CPNE4: variants seen among roughly 807,000 people sequenced by gnomAD.
The protein encoded by CPNE4 is copine 4, also known as copine-4.
Under a neutral mutation model 67.9 loss-of-function variants are expected in CPNE4, and 25 were observed. The observed-to-expected ratio is 0.37, with a 90% CI of 0.27 to 0.51. CPNE4 has a LOEUF of 0.51. Ranked by LOEUF, CPNE4 falls within the 20% of genes least tolerant of loss-of-function variation. The probability of loss-of-function intolerance (pLI) is 0.93; values close to 1 mark genes in which losing one functional copy is unlikely to be tolerated. For missense variants in CPNE4, 464 were observed against 690.8 expected, an observed-to-expected ratio of 0.67 and a Z score of 3.68; for synonymous variants, 242 against 244.9, an observed-to-expected ratio of 0.99 and a Z score of 0.11.
chr3:131,604,449 G>A (rs1000744224), intron 7 of CPNE4, among the ~76,000 whole-genome samples: 6 of 152,090 alleles, frequency 3.9e-5, no homozygotes, highest in Non-Finnish European at 8.8e-5. Flanking sequence ...AATCCTGGGT[G>A]TATCTGTGAG....
intron 15 of CPNE4, among the ~76,000 whole-genome samples, chr3:131,536,830 C>A (rs943136537): frequency 5.3e-5 from 8 of 152,164 alleles, no homozygotes; most frequent in Admixed American, 3.3e-4. Flanking sequence ...GGGGCAGATA[C>A]AAAAGTCATT....
At chr3:131,980,878 A>G (rs2072886778) in intron 1 of CPNE4, among the ~76,000 whole-genome samples, 2 of 152,130 alleles carry the variant, frequency 1.3e-5, no homozygotes, top group African/African-American at 4.8e-5. Context: ...TTTGTCCCAC[A>G]TGATGTTCCC....
chr3:131,846,985 T>C (rs2086023343), intron 2 of CPNE4, among the ~76,000 whole-genome samples: 1 of 152,142 alleles, frequency 6.6e-6, no homozygotes. Context: ...AGCCCACAGC[T>C]TGAAGGGAGG....
At chr3:131,876,641 CAAAA>C (rs61625119) in intron 2 of CPNE4, among the ~76,000 whole-genome samples, 2 of 101,646 alleles carry the variant, frequency 2.0e-5, no homozygotes, top group Non-Finnish European at 3.8e-5. Context: ...GACTCCGTCT[CAAAA>C]AAAAAAAAAA....
intron 6 of CPNE4, among the ~76,000 whole-genome samples, chr3:131,684,160 T>G (rs770530533): frequency 1.3e-5 from 2 of 152,138 alleles, no homozygotes; most frequent in African/African-American, 2.4e-5. Flanking sequence ...AAAGTGCTTT[T>G]TGTGTGTGTG....
intron 5 of CPNE4, among the ~76,000 whole-genome samples, chr3:131,688,447 T>G (rs192861545): frequency 6.6e-6 from 1 of 152,326 alleles, no homozygotes; most frequent in East Asian, 1.9e-4. Flanking sequence ...TTTACTCATT[T>G]GCCCCTTAGG....
At chr3:131,710,818 T>C (rs1356665234) in intron 3 of CPNE4, among the ~76,000 whole-genome samples, 1 of 152,128 alleles carries the variant, frequency 6.6e-6, no homozygotes, top group East Asian at 1.9e-4. Flanking sequence ...CTCATTAAGT[T>C]TATAAAACAA....
rs927499015 is a variant in CPNE4, at chr3:131,669,659, G to T, written c.681+16C>A. The T allele has an allele frequency of 3.1e-5, 49 of 1,570,014 alleles. No homozygotes were observed. The highest frequency in any genetic ancestry group is 4.0e-5 in the Non-Finnish European group (46 of 1,150,482). On this transcript the variant is annotated intron_variant, in intron 7 of 15. Transcript: ENST00000429747. Reference sequence around the variant, plus strand: ...TTTTTTTAAAAAATCACATTTCTTGGACACAGATTTCTGACCTTTAGCCGG... The same window carrying T: ...TTTTTTTAAAAAATCACATTTCTTGTACACAGATTTCTGACCTTTAGCCGG...
At chr3:131,876,239 A>AAAATAAATAAAT (rs60812638) in intron 2 of CPNE4, among the ~76,000 whole-genome samples, 116 of 139,786 alleles carry the variant, frequency 8.3e-4, no homozygotes, top group Admixed American at 1.6e-3. Context: ...ACTCGGTCTC[A>AAAATAAATAAAT]AAATAAATAA....
At chr3:131,930,358 GCT>G (rs1321337474) in intron 1 of CPNE4, among the ~76,000 whole-genome samples, 2 of 152,038 alleles carry the variant, frequency 1.3e-5, no homozygotes, top group African/African-American at 4.8e-5. Context: ...AATATAACCA[GCT>G]CAGGGTGACC....
chr3:131,916,396 G>T (rs896494326), intron 1 of CPNE4, among the ~76,000 whole-genome samples: 1 of 151,298 alleles, frequency 6.6e-6, no homozygotes, highest in Non-Finnish European at 1.5e-5. Context: ...TGTTCAAAGG[G>T]AGAAACGACA....
At chr3:131,782,332 A>T (rs1433528293) in intron 2 of CPNE4, among the ~76,000 whole-genome samples, 2 of 152,146 alleles carry the variant, frequency 1.3e-5, no homozygotes, top group African/African-American at 4.8e-5. Context: ...TCAAACATTT[A>T]ATGTTCACTA....
chr3:131,847,653 T>C (rs967442640), intron 2 of CPNE4, among the ~76,000 whole-genome samples: 31 of 152,212 alleles, frequency 2.0e-4, no homozygotes, highest in African/African-American at 7.2e-4. Context: ...TAAAATACGC[T>C]TTCTAGTTCT....
intron 1 of CPNE4, among the ~76,000 whole-genome samples, chr3:131,963,010 A>G (rs1192976109): frequency 6.6e-6 from 1 of 152,160 alleles, no homozygotes; most frequent in East Asian, 1.9e-4. Context: ...AGTGAGACCA[A>G]TGCAGAAGGC....
intron 7 of CPNE4, among the ~76,000 whole-genome samples, chr3:131,603,991 C>T (rs1487761778): frequency 1.3e-5 from 2 of 152,128 alleles, no homozygotes; most frequent in Non-Finnish European, 2.9e-5. Flanking sequence ...TAAGGATTTA[C>T]CTTTTCTTTA....
chr3:131,775,201 G>T (rs1386141513), intron 2 of CPNE4, among the ~76,000 whole-genome samples: 1 of 152,106 alleles, frequency 6.6e-6, no homozygotes, highest in African/African-American at 2.4e-5. Context: ...CCTACAGAAG[G>T]AGGGAAGAAA....
chr3:132,013,765 G>T (rs547442874), intron 1 of CPNE4, among the ~76,000 whole-genome samples: 7 of 152,098 alleles, frequency 4.6e-5, no homozygotes, highest in Non-Finnish European at 8.8e-5. Context: ...CTGGGAACTC[G>T]TATTATTATT....
chr3:131,943,391 G>A (rs2071456943), intron 1 of CPNE4, among the ~76,000 whole-genome samples: 1 of 152,134 alleles, frequency 6.6e-6, no homozygotes, highest in South Asian at 2.1e-4. Flanking sequence ...CCTGTGATAT[G>A]TCATTGGATT....
At chr3:131,701,594 G>A (rs1355923649) in intron 3 of CPNE4, among the ~76,000 whole-genome samples, 2 of 152,174 alleles carry the variant, frequency 1.3e-5, no homozygotes, top group South Asian at 2.1e-4. Flanking sequence ...ATTGTGAGTA[G>A]TCCTATAGAC....
Sources: gnomAD v4.1 joint callset for allele counts (sites outside exome capture counted in the v4.1 genomes callset) on GRCh38, gnomAD v4.1.1 for gene constraint, MANE v1.5 for transcripts, NCBI Gene and HGNC (gene_info 2026-07-23, HGNC 2026-07-21) for gene names.